The following ABHD17C variants were observed in gnomAD, a reference collection of about 807,000 sequenced individuals.
The protein encoded by ABHD17C is abhydrolase domain containing 17C, depalmitoylase.
In ABHD17C, 11 loss-of-function variants were observed where a neutral mutation model predicts 27.9. The ratio of observed to expected loss-of-function variants is 0.39; its 90% CI spans 0.25 to 0.65. ABHD17C has a LOEUF of 0.65. ABHD17C is among the 30% of genes least tolerant of loss of function. The probability of loss-of-function intolerance (pLI) is 0.45; values close to 1 mark genes in which losing one functional copy is unlikely to be tolerated. For missense variants in ABHD17C, 280 were observed against 470.2 expected, an observed-to-expected ratio of 0.60 and a Z score of 3.74; for synonymous variants, 233 against 209.1, an observed-to-expected ratio of 1.11 and a Z score of -0.98.
chr15:80,718,425 C>T (rs757858622), intron 1 of ABHD17C, among the ~76,000 whole-genome samples: 44 of 152,084 alleles, frequency 2.9e-4, no homozygotes, highest in Non-Finnish European at 5.0e-4. Context: ...CTTTGCTTCC[C>T]GAGTTCAAGT....
chr15:80,746,209 CTTTTT>C (rs1305070911), intron 1 of ABHD17C, among the ~76,000 whole-genome samples: 1 of 151,906 alleles, frequency 6.6e-6, no homozygotes, highest in Non-Finnish European at 1.5e-5. Context: ...TAACTCTTCT[CTTTTT>C]TTCTCTTTCT....
intron 1 of ABHD17C, among the ~76,000 whole-genome samples, chr15:80,740,978 G>A (rs1383016329): frequency 6.6e-6 from 1 of 152,148 alleles, no homozygotes. Flanking sequence ...GTGTTTAGTG[G>A]ACATGGAAAC....
intron 1 of ABHD17C, among the ~76,000 whole-genome samples, chr15:80,748,823 A>G (rs1040435190): frequency 6.6e-5 from 10 of 151,268 alleles, no homozygotes; most frequent in African/African-American, 2.4e-4. Flanking sequence ...TGCTCGTGTC[A>G]CTTCTGCTGA....
intron 1 of ABHD17C, among the ~76,000 whole-genome samples, chr15:80,710,765 G>A (rs1249918627): frequency 6.6e-6 from 1 of 151,816 alleles, no homozygotes; most frequent in Non-Finnish European, 1.5e-5. Context: ...TTGTGGAGAT[G>A]GGGTCTCACT....
rs189152939 is a variant in ABHD17C at position 80,702,001 on chromosome 15, C to G, written c.590+5982C>G. Reference sequence around the variant, plus strand: ...CAGTACCAGAAGCTGAGCTCTCACTCTCCTCTTGCCACAATTTACTTACCC... The same window carrying G: ...CAGTACCAGAAGCTGAGCTCTCACTGTCCTCTTGCCACAATTTACTTACCC... On this transcript the variant is annotated intron_variant, in intron 1 of 2. Coordinates refer to ENST00000258884, the MANE Select transcript of ABHD17C (RefSeq NM_021214.2). Among the ~76,000 whole-genome samples the G allele has an allele frequency of 2.8e-4, 42 of 152,252 alleles. 3 individuals carry two copies. The highest frequency in any genetic ancestry group is 1.3e-4 in the Admixed American group (2 of 15,286).
chr15:80,742,659 C>G (rs903040368), intron 1 of ABHD17C, among the ~76,000 whole-genome samples: 1 of 152,116 alleles, frequency 6.6e-6, no homozygotes, highest in African/African-American at 2.4e-5. Context: ...ATCAGGCCAG[C>G]ATAGAGCTGC....
intron 1 of ABHD17C, chr15:80,704,539 TAATA>T (rs1303819733): frequency 6.9e-6 from 1 of 145,172 alleles, no homozygotes; most frequent in East Asian, 2.0e-4. Context: ...TAAAGGATAA[TAATA>T]ATAATAATAA....
chr15:80,716,460 A>T (rs16972304), intron 1 of ABHD17C, among the ~76,000 whole-genome samples: 1 of 152,180 alleles, frequency 6.6e-6, no homozygotes, highest in Admixed American at 6.5e-5. Context: ...ATTTCTACAA[A>T]GTAAGAAGTT....
Position 80,721,424 on chromosome 15 carries a change from C to G in ABHD17C, c.590+25405C>G, listed in dbSNP as rs552923723. ...GTAGGTTAGCTTGGTGATAAAGAGCCTGGTCACTGGCTCAGATTTGGGCTG... is the reference window on the plus strand; with the variant it reads ...GTAGGTTAGCTTGGTGATAAAGAGCGTGGTCACTGGCTCAGATTTGGGCTG... On this transcript the variant is annotated intron_variant, in intron 1 of 2. Coordinates refer to ENST00000258884, the MANE Select transcript of ABHD17C (RefSeq NM_021214.2). Among the ~76,000 whole-genome samples, 4 of 152,180 alleles carry G rather than the reference C, an allele frequency of 2.6e-5. No homozygotes were observed. In the South Asian group the frequency reaches 8.3e-4, roughly 32 times the overall value.
At chr15:80,715,348 G>A (rs961812636) in intron 1 of ABHD17C, among the ~76,000 whole-genome samples, 2 of 152,232 alleles carry the variant, frequency 1.3e-5, no homozygotes, top group African/African-American at 4.8e-5. Context: ...CTGGATAACT[G>A]TAGGTGGGCC....
chr15:80,697,015 C>G (rs1044152563), intron 1 of ABHD17C, among the ~76,000 whole-genome samples: 3 of 152,046 alleles, frequency 2.0e-5, no homozygotes, highest in African/African-American at 7.2e-5. Context: ...GGAAGTACAC[C>G]GGGCATTATT....
chr15:80,727,148 G>C (rs550482545), intron 1 of ABHD17C, among the ~76,000 whole-genome samples: 2 of 152,320 alleles, frequency 1.3e-5, no homozygotes, highest in Admixed American at 6.5e-5. Flanking sequence ...TTCTTAAGGA[G>C]ACCTGACCTT....
At chr15:80,744,955 T>C (rs1895262548) in intron 1 of ABHD17C, among the ~76,000 whole-genome samples, 1 of 152,236 alleles carries the variant, frequency 6.6e-6, no homozygotes, top group African/African-American at 2.4e-5. Flanking sequence ...TGATGTTGCC[T>C]CATGAGGTTT....
At chr15:80,740,020 C>G (rs140821065) in intron 1 of ABHD17C, among the ~76,000 whole-genome samples, 22 of 152,294 alleles carry the variant, frequency 1.4e-4, no homozygotes, top group African/African-American at 5.3e-4. Context: ...TGGTCAGTGC[C>G]TGGGTTTGTT....
At chr15:80,743,591 G>T (rs903941744) in intron 1 of ABHD17C, among the ~76,000 whole-genome samples, 5 of 151,898 alleles carry the variant, frequency 3.3e-5, no homozygotes, top group African/African-American at 9.7e-5. Context: ...ATTTTGTTTT[G>T]TTTTTTTGGA....
intron 1 of ABHD17C, among the ~76,000 whole-genome samples, chr15:80,747,818 C>T (rs1055763997): frequency 2.6e-5 from 4 of 152,144 alleles, no homozygotes; most frequent in Non-Finnish European, 4.4e-5. Flanking sequence ...TATTTCCTCT[C>T]TTCTGCATGA....
At chr15:80,744,256 G>A (rs939306063) in intron 1 of ABHD17C, among the ~76,000 whole-genome samples, 2 of 151,510 alleles carry the variant, frequency 1.3e-5, no homozygotes, top group African/African-American at 4.9e-5. Context: ...TAGAGCCAGG[G>A]AGTTTACATG....
intron 1 of ABHD17C, among the ~76,000 whole-genome samples, chr15:80,719,397 C>A (rs769791629): frequency 9.9e-5 from 15 of 152,142 alleles, no homozygotes; most frequent in Non-Finnish European, 1.9e-4. Flanking sequence ...TCTTCTGTCC[C>A]CTTGCATGAG....
In ABHD17C at chr15:80,754,501, A is replaced by G. The variant is rs878859574; in HGVS notation, c.*131A>G. On this transcript the variant is annotated 3_prime_UTR_variant, in exon 3 of 3. Coordinates refer to ENST00000258884, the MANE Select transcript of ABHD17C (RefSeq NM_021214.2). ...CCCAACCTTTAGGGTGTTCTAATCA[A>G]AGAGCTGATGAAATCTCAGTCTTTT... 5 of 715,732 alleles carry G rather than the reference A, an allele frequency of 7.0e-6. No individual in the cohort carries two copies. The South Asian group carries it at 7.7e-5, about 11-fold the overall frequency. 44.3% of individuals were successfully genotyped at this position (715,732 alleles called of 1,614,324 possible).
Sources: allele counts gnomAD v4.1 joint callset (sites outside exome capture counted in the v4.1 genomes callset), GRCh38; gene constraint gnomAD v4.1.1; transcripts MANE v1.5; gene names NCBI Gene and HGNC (gene_info 2026-07-23, HGNC 2026-07-21).